Variants in KIAA0319 observed in about 807,000 individuals in gnomAD.
KIAA0319 encodes the protein dyslexia-associated protein KIAA0319.
KIAA0319 carries 83 observed loss-of-function variants against 108.4 expected under a neutral mutation model. The observed-to-expected ratio is 0.77, with a 90% CI of 0.64 to 0.92. The LOEUF (loss-of-function observed/expected upper bound fraction) is 0.92. KIAA0319 is among the 40% of genes least tolerant of loss of function. KIAA0319 has a pLI of 0.00. For synonymous variants in KIAA0319, 484 were observed against 510.4 expected, an observed-to-expected ratio of 0.95 and a Z score of 0.70; for missense variants, 1,195 against 1,322.4, an observed-to-expected ratio of 0.90 and a Z score of 1.49.
At chr6:24,627,114 T>C (rs1292323122) in intron 1 of KIAA0319, among the ~76,000 whole-genome samples, 1 of 152,190 alleles carries the variant, frequency 6.6e-6, no homozygotes, top group African/African-American at 2.4e-5. Context: ...CTTTTCTATA[T>C]TTTCCAAATT....
rs561996391 is a variant in KIAA0319 at position 24,581,887 on chromosome 6, T to C, written c.1191+362A>G. On this transcript the variant is annotated intron_variant, in intron 6 of 20. Transcript: ENST00000378214. Reference sequence around the variant, plus strand: ...AGCTGGGCGTGGTGGCTCATGCCTGTAATCCCAACACTTTGGGAGGCCAAG... The same window carrying C: ...AGCTGGGCGTGGTGGCTCATGCCTGCAATCCCAACACTTTGGGAGGCCAAG... Among the ~76,000 whole-genome samples the C allele has an allele frequency of 3.3e-5, 5 of 152,336 alleles. No homozygotes were observed. The East Asian group carries it at 9.6e-4, about 29-fold the overall frequency.
intron 1 of KIAA0319, among the ~76,000 whole-genome samples, chr6:24,630,484 G>T (rs1383061310): frequency 7.0e-6 from 1 of 142,618 alleles, no homozygotes. Flanking sequence ...ACTCCAGTCT[G>T]GGTGACAGAG....
chr6:24,606,858 C>T (rs1261573952), intron 1 of KIAA0319, among the ~76,000 whole-genome samples: 1 of 152,172 alleles, frequency 6.6e-6, no homozygotes, highest in African/African-American at 2.4e-5. Flanking sequence ...CTGCCTAGAA[C>T]AGAAAACAAG....
downstream of KIAA0319, among the ~76,000 whole-genome samples, chr6:24,541,654 C>T (rs900069979): frequency 6.6e-6 from 1 of 150,902 alleles, no homozygotes; most frequent in African/African-American, 2.4e-5. Flanking sequence ...AAAAATTAGC[C>T]CGTCATGGTG....
chr6:24,575,071 G>T (rs950455162), intron 10 of KIAA0319, among the ~76,000 whole-genome samples: 1 of 152,192 alleles, frequency 6.6e-6, no homozygotes, highest in African/African-American at 2.4e-5. Flanking sequence ...CAGGCTGCTT[G>T]GTACAATTTT....
intron 1 of KIAA0319, among the ~76,000 whole-genome samples, chr6:24,628,987 G>A (rs1359305061): frequency 6.6e-6 from 1 of 152,144 alleles, no homozygotes; most frequent in Non-Finnish European, 1.5e-5. Context: ...AGCATCTTTT[G>A]TGGGGACACC....
intron 1 of KIAA0319, among the ~76,000 whole-genome samples, chr6:24,607,825 TTCC>T (rs1405320902): frequency 6.6e-6 from 1 of 152,222 alleles, no homozygotes; most frequent in Non-Finnish European, 1.5e-5. Flanking sequence ...TAAAAATATG[TTCC>T]TTTAGTTAAA....
intron 3 of KIAA0319, among the ~76,000 whole-genome samples, chr6:24,594,216 AAAAAAAAAAAAAAAAAAAAAAAAAAAAG>A (rs1188762951): frequency 3.1e-5 from 1 of 32,254 alleles, no homozygotes; most frequent in African/African-American, 7.8e-5. Flanking sequence ...AAAAAAAAAA[AAAAAAAAAAAAAAAAAAAAAAAAAAAAG>A]AAAGTTTTTT....
chr6:24,556,028 G>C (rs969025325), intron 18 of KIAA0319, among the ~76,000 whole-genome samples: 15 of 152,226 alleles, frequency 9.9e-5, no homozygotes, highest in Admixed American at 7.2e-4. Flanking sequence ...TAGATTGTAA[G>C]AAGGGTCTTA....
At chr6:24,575,200 G>A (rs1021145404) in intron 10 of KIAA0319, among the ~76,000 whole-genome samples, 9 of 152,112 alleles carry the variant, frequency 5.9e-5, no homozygotes, top group South Asian at 2.1e-4. Context: ...GATATTCTTC[G>A]GGGAAAGAAG....
intron 18 of KIAA0319, among the ~76,000 whole-genome samples, chr6:24,555,808 T>C (rs1762210550): frequency 6.6e-6 from 1 of 152,154 alleles, no homozygotes; most frequent in African/African-American, 2.4e-5. Context: ...ATTCTCTTCT[T>C]TACCTGATTC....
At chr6:24,577,959 CAG>C in intron 9 of KIAA0319, 149 bp downstream of exon 9, 1 of 613,512 alleles carries the variant, frequency 1.6e-6, no homozygotes, top group Non-Finnish European at 2.8e-6. Context: ...ATGAGGATAT[CAG>C]AGTCTCCAGC....
intron 15 of KIAA0319, among the ~76,000 whole-genome samples, chr6:24,563,872 C>T (rs1160765333): frequency 1.3e-5 from 2 of 152,122 alleles, no homozygotes; most frequent in African/African-American, 2.4e-5. Context: ...ATGCTGAGGT[C>T]GTTACAGCCA....
At chr6:24,612,355 G>T (rs1349248551) in intron 1 of KIAA0319, among the ~76,000 whole-genome samples, 1 of 151,990 alleles carries the variant, frequency 6.6e-6, no homozygotes, top group East Asian at 1.9e-4. Context: ...GGAGGCTGAG[G>T]TAAGAGACTC....
intron 2 of KIAA0319, among the ~76,000 whole-genome samples, chr6:24,600,035 A>G (rs911494161): frequency 3.0e-5 from 1 of 32,998 alleles, no homozygotes; most frequent in African/African-American, 3.1e-4. Context: ...AACTGCCCAA[A>G]AAAAAAAAAA....
At chr6:24,575,924 C>T (rs1472836542) in intron 10 of KIAA0319, among the ~76,000 whole-genome samples, 2 of 151,654 alleles carry the variant, frequency 1.3e-5, no homozygotes, top group East Asian at 2.0e-4. Context: ...AAGATTTGAA[C>T]AAATCAAAAG....
intron 5 of KIAA0319, 87 bp from the exon 6 acceptor site, chr6:24,582,433 C>A: frequency 1.3e-6 from 1 of 771,902 alleles, no homozygotes; most frequent in Non-Finnish European, 2.3e-6. Context: ...AGCCTTTAAA[C>A]CACCAGTGCA....
chr6:24,614,362 A>G (rs1772841208), intron 1 of KIAA0319, among the ~76,000 whole-genome samples: 1 of 152,124 alleles, frequency 6.6e-6, no homozygotes, highest in African/African-American at 2.4e-5. Flanking sequence ...CCAGTTATCT[A>G]TGCAGCCTTC....
chr6:24,589,600 GCT>G (rs1768136937), intron 3 of KIAA0319, among the ~76,000 whole-genome samples: 1 of 152,136 alleles, frequency 6.6e-6, no homozygotes, highest in Admixed American at 6.6e-5. Context: ...TCCCCTGCTT[GCT>G]CTCTCACCTG....
Sources: allele counts gnomAD v4.1 joint callset (sites outside exome capture counted in the v4.1 genomes callset), GRCh38; gene constraint gnomAD v4.1.1; transcripts MANE v1.5; gene names NCBI Gene and HGNC (gene_info 2026-07-23, HGNC 2026-07-21).